The following FHOD3 variants were observed in gnomAD, a reference collection of about 807,000 sequenced individuals.
FHOD3 encodes the protein FH1/FH2 domain-containing protein 3.
In FHOD3, 90 loss-of-function variants were observed where a neutral mutation model predicts 173.0. That is an observed-to-expected ratio of 0.52 (90% confidence interval 0.44 to 0.62). The LOEUF (loss-of-function observed/expected upper bound fraction) is 0.62, where lower values mean the gene tolerates loss of function less well. Ranked by LOEUF, FHOD3 falls within the 20% of genes least tolerant of loss-of-function variation. FHOD3 has a pLI of 0.00. For synonymous variants in FHOD3, 828 were observed against 823.0 expected (o/e 1.01, Z -0.10); for missense variants, 1,945 against 2,034.7 (o/e 0.96, Z 0.85).
chr18:36,485,665 T>C (rs1284687488), intron 3 of FHOD3, among the ~76,000 whole-genome samples: 2 of 152,170 alleles, frequency 1.3e-5, no homozygotes, highest in Non-Finnish European at 2.9e-5. Context: ...ACATGCTAGG[T>C]GAACCTGAAA....
At chr18:36,407,601 G>A (rs2049133893) in intron 3 of FHOD3, among the ~76,000 whole-genome samples, 1 of 152,200 alleles carries the variant, frequency 6.6e-6, no homozygotes, top group Non-Finnish European at 1.5e-5. Context: ...CGTAAGCGAT[G>A]GAGTAAGAAT....
intron 5 of FHOD3, among the ~76,000 whole-genome samples, chr18:36,555,215 C>G (rs1464404501): frequency 6.6e-6 from 1 of 152,098 alleles, no homozygotes; most frequent in Non-Finnish European, 1.5e-5. Context: ...GCATCCCATA[C>G]ATTTTGATAT....
At chr18:36,365,192 A>G (rs984520003) in intron 2 of FHOD3, among the ~76,000 whole-genome samples, 2 of 152,234 alleles carry the variant, frequency 1.3e-5, no homozygotes, top group Admixed American at 1.3e-4. Context: ...TTAGGCAGTC[A>G]TGGTTCTTGC....
intron 1 of FHOD3, among the ~76,000 whole-genome samples, chr18:36,349,062 CCA>C (rs1230767319): frequency 6.6e-6 from 1 of 152,100 alleles, no homozygotes; most frequent in Admixed American, 6.5e-5. Flanking sequence ...CTGGTTTGGC[CCA>C]GTTTGGCCAG....
At chr18:36,451,578 T>G (rs2051848513) in intron 3 of FHOD3, among the ~76,000 whole-genome samples, 1 of 152,216 alleles carries the variant, frequency 6.6e-6, no homozygotes, top group Non-Finnish European at 1.5e-5. Context: ...ACTCAGCCAG[T>G]CTGGTGATTC....
At chr18:36,764,533 G>T (rs2150325651) in intron 27 of FHOD3, among the ~76,000 whole-genome samples, 1 of 152,238 alleles carries the variant, frequency 6.6e-6, no homozygotes, top group South Asian at 2.1e-4. Flanking sequence ...CCTGTGTCTT[G>T]GTGGATGCAG....
rs890980857 is a variant in FHOD3, at chr18:36,537,164, G to C, written c.511+24621G>C. Among the ~76,000 whole-genome samples, 17 of 152,244 alleles carry C rather than the reference G, an allele frequency of 1.1e-4. No individual in the cohort carries two copies. In the South Asian group the frequency reaches 1.2e-3, roughly 11 times the overall value. On this transcript the variant is annotated intron_variant, in intron 5 of 28. Transcript: ENST00000590592. The stretch of plus-strand genomic sequence containing the variant: ...GTATGGCCTGTCTCCACTCCAAACA[G>C]GACACCAACTCCCTGACTCCCTGAT...
At chr18:36,551,476 A>T (rs567198223) in intron 5 of FHOD3, among the ~76,000 whole-genome samples, 2 of 150,952 alleles carry the variant, frequency 1.3e-5, no homozygotes, top group African/African-American at 4.9e-5. Flanking sequence ...AATTTATTTA[A>T]TTAATTAATT....
intron 1 of FHOD3, among the ~76,000 whole-genome samples, chr18:36,309,889 C>T (rs949003247): frequency 1.3e-5 from 2 of 152,210 alleles, no homozygotes; most frequent in Non-Finnish European, 2.9e-5. Context: ...GTTAGCCTGG[C>T]TGATCCTCTC....
intron 20 of FHOD3, among the ~76,000 whole-genome samples, chr18:36,736,108 A>C (rs2041616298): frequency 6.6e-6 from 1 of 152,262 alleles, no homozygotes; most frequent in African/African-American, 2.4e-5. Flanking sequence ...GCAGCTCTCA[A>C]CCCCTCTAGG....
chr18:36,761,545 T>C (rs554205715), intron 27 of FHOD3, among the ~76,000 whole-genome samples: 10 of 152,204 alleles, frequency 6.6e-5, no homozygotes, highest in African/African-American at 1.4e-4. Flanking sequence ...CCCTGCATGG[T>C]CACCGCGGCG....
chr18:36,557,999 A>AT (rs1158565112), intron 5 of FHOD3, among the ~76,000 whole-genome samples: 2 of 152,002 alleles, frequency 1.3e-5, no homozygotes, highest in African/African-American at 4.8e-5. Flanking sequence ...GAATTATGAG[A>AT]TTTTCTTGTC....
chr18:36,482,858 C>CACACACACAG (rs1400178557), intron 3 of FHOD3, among the ~76,000 whole-genome samples: 9 of 130,458 alleles, frequency 6.9e-5, no homozygotes, highest in African/African-American at 2.8e-4. Context: ...CACACACACA[C>CACACACACAG]AGAGAGAGAG....
chr18:36,507,367 G>C (rs1269168211), intron 4 of FHOD3, among the ~76,000 whole-genome samples: 1 of 152,206 alleles, frequency 6.6e-6, no homozygotes, highest in Non-Finnish European at 1.5e-5. Flanking sequence ...TGAATCTCAT[G>C]TGCAGACTTG....
chr18:36,673,047 C>A (rs576900255), intron 14 of FHOD3, among the ~76,000 whole-genome samples: 2 of 152,066 alleles, frequency 1.3e-5, no homozygotes, highest in African/African-American at 2.4e-5. Context: ...ATTAGATAAA[C>A]AAAGTGCCAA....
intron 20 of FHOD3, among the ~76,000 whole-genome samples, chr18:36,736,644 G>A (rs2041648137): frequency 6.6e-6 from 1 of 152,122 alleles, no homozygotes; most frequent in South Asian, 2.1e-4. Context: ...GACATCAAAC[G>A]ACAATCTCTG....
rs180874583 is a variant in FHOD3, at chr18:36,508,236, A to G, written c.406-4202A>G. Among the ~76,000 whole-genome samples the G allele has an allele frequency of 1.4e-4, 21 of 152,156 alleles. No individual in the cohort carries two copies. The South Asian group carries it at 1.5e-3, about 11-fold the overall frequency. ...CCTGAATTTAATTGGAAATATCAGA[A>G]TGAACCCATGTATATTATCTTAAGC... On this transcript the variant is annotated intron_variant, in intron 4 of 28. Coordinates refer to ENST00000590592, the MANE Select transcript of FHOD3 (RefSeq NM_001281740.3).
intron 3 of FHOD3, among the ~76,000 whole-genome samples, chr18:36,392,257 G>A (rs1213741714): frequency 1.3e-5 from 2 of 152,188 alleles, no homozygotes; most frequent in Non-Finnish European, 2.9e-5. Flanking sequence ...TAAGCACTGT[G>A]CATGGGGTAG....
intron 6 of FHOD3, among the ~76,000 whole-genome samples, chr18:36,588,581 G>A (rs912892839): frequency 1.3e-5 from 2 of 152,100 alleles, no homozygotes; most frequent in Admixed American, 6.5e-5. Flanking sequence ...TTTTTTGGCT[G>A]TTGAATTTTT....
Sources: gnomAD v4.1 joint callset for allele counts (sites outside exome capture counted in the v4.1 genomes callset) on GRCh38, gnomAD v4.1.1 for gene constraint, MANE v1.5 for transcripts, NCBI Gene and HGNC (gene_info 2026-07-23, HGNC 2026-07-21) for gene names.